SRGAP2: variants seen among roughly 807,000 people sequenced by gnomAD.
The protein encoded by SRGAP2 is SLIT-ROBO Rho GTPase-activating protein 2.
In SRGAP2, 15 loss-of-function variants were observed where a neutral mutation model predicts 57.2. The ratio of observed to expected loss-of-function variants is 0.26; its 90% CI spans 0.18 to 0.40. SRGAP2 has a LOEUF of 0.40. SRGAP2 is among the 10% of genes least tolerant of loss of function. The pLI, the probability that SRGAP2 is intolerant of heterozygous loss-of-function variation, is 1.00. For missense variants in SRGAP2, 520 were observed against 669.6 expected (o/e 0.78, Z 2.47); for synonymous variants, 249 against 248.0 (o/e 1.00, Z -0.04).
rs1048330266 is a variant in SRGAP2, at chr1:206,461,042, T to C, written c.2838T>C (p.Ile946=). The change falls in exon 23 of 23, where the codon ATT becomes ATC. Residue 946 remains isoleucine (I), a synonymous_variant. Transcript: ENST00000573034. ...TCCTTTTTCCTGTTTTGCAGGATATTGAGGCAACAATGAACTCGGCCCTGA... is the reference window on the plus strand; with the variant it reads ...TCCTTTTTCCTGTTTTGCAGGATATCGAGGCAACAATGAACTCGGCCCTGA... The part of the protein sequence containing the change: ...PMDPEVIAQD[I]EATMNSALNE... 2.9e-6 allele frequency: 2 copies of C among 696,242 alleles called. No homozygotes were observed. The highest frequency in any genetic ancestry group is 3.5e-5 in the African/African-American group (2 of 56,478). The allele number at this position is 696,242 out of a possible 1,614,324, so 43.1% of individuals were successfully genotyped here. A position where few individuals can be genotyped will look rare whatever the true frequency, so the allele number is the denominator to read the frequency against.
rs201747222 is a variant in SRGAP2, at chr1:206,461,402, C to T, written c.3198C>T (p.Asp1066=). The change falls in exon 23 of 23, where the codon GAC becomes GAT. Residue 1066 remains aspartate, a synonymous_variant. Transcript: ENST00000573034. The part of the protein sequence containing the change: ...VNSSTSPQST[D]KSCTV ...CATCAACTTCCCCACAGTCTACTGA[C>T]AAGTCTTGTACTGTCTGAGGGATAA... 1.2e-5 allele frequency: 9 copies of T among 778,360 alleles called. No individual in the cohort carries two copies. Among genetic ancestry groups the T allele is most frequent in the Non-Finnish European group, 2.2e-5 (9 of 416,542 alleles). The allele number at this position is 778,360 out of a possible 1,614,324, so 48.2% of individuals were successfully genotyped here.
chr1:206,327,942 T>C (rs1674081567), intron 3 of SRGAP2, among the ~76,000 whole-genome samples: 2 of 104,542 alleles, frequency 1.9e-5, no homozygotes, highest in Non-Finnish European at 3.7e-5. Context: ...TATCTCCCAA[T>C]GCTATCCCTC....
chr1:206,322,652 T>C (rs1277713630), intron 3 of SRGAP2, among the ~76,000 whole-genome samples: 1 of 144,022 alleles, frequency 6.9e-6, no homozygotes, highest in Non-Finnish European at 1.5e-5. Flanking sequence ...ATTTTAATAC[T>C]GGTTTAGAGT....
At chr1:206,319,347 C>G (rs1379622643) in intron 3 of SRGAP2, among the ~76,000 whole-genome samples, 2 of 151,236 alleles carry the variant, frequency 1.3e-5, no homozygotes, top group South Asian at 2.1e-4. Flanking sequence ...GGAGGCGGAG[C>G]TTTCAGTGAG....
chr1:206,432,216 AT>A (rs1240815140), intron 14 of SRGAP2, among the ~76,000 whole-genome samples: 5 of 152,292 alleles, frequency 3.3e-5, no homozygotes, highest in South Asian at 2.1e-4. Context: ...GGTTCCAGAT[AT>A]TGTGGCATGA....
At chr1:206,319,276 T>C (rs2102823867) in intron 3 of SRGAP2, among the ~76,000 whole-genome samples, 1 of 147,456 alleles carries the variant, frequency 6.8e-6, no homozygotes, top group South Asian at 2.1e-4. Context: ...CCGGGTGTGG[T>C]GGCGGGTGCC....
chr1:206,240,265 CA>C (rs72152960), intron 2 of SRGAP2, among the ~76,000 whole-genome samples: 36,248 of 84,208 alleles, frequency 0.43, 4,274 homozygotes, highest in East Asian at 0.64. Context: ...GACAACGTCT[CA>C]AAAAAAAAAA....
intron 13 of SRGAP2, among the ~76,000 whole-genome samples, chr1:206,422,017 A>G (rs1419618509): frequency 6.6e-6 from 1 of 152,356 alleles, no homozygotes; most frequent in East Asian, 1.9e-4. Flanking sequence ...AAATGATTTT[A>G]TGTCCCCTAA....
intron 2 of SRGAP2, among the ~76,000 whole-genome samples, chr1:206,302,416 C>T (rs1571796118): frequency 6.6e-6 from 1 of 151,888 alleles, no homozygotes; most frequent in African/African-American, 2.4e-5. Flanking sequence ...TAGCTCCATA[C>T]AAGGACCCTG....
chr1:206,423,092 G>T (rs1264163920), intron 13 of SRGAP2, among the ~76,000 whole-genome samples: 2 of 152,142 alleles, frequency 1.3e-5, no homozygotes, highest in African/African-American at 4.8e-5. Context: ...TCTTTAATGG[G>T]TTCCGGTCAT....
At chr1:206,449,447 C>CTTTTTTT (rs60880671) in intron 18 of SRGAP2, among the ~76,000 whole-genome samples, 1 of 138,786 alleles carries the variant, frequency 7.2e-6, no homozygotes, top group Non-Finnish European at 1.6e-5. Context: ...TGCACACTGG[C>CTTTTTTT]TTTTTTTTTT....
chr1:206,216,300 A>G (rs554454236), intron 2 of SRGAP2, among the ~76,000 whole-genome samples: 3 of 152,322 alleles, frequency 2.0e-5, no homozygotes, highest in Admixed American at 1.3e-4. Flanking sequence ...TACCTTGGAA[A>G]CCAAGAAAAA....
intron 4 of SRGAP2, among the ~76,000 whole-genome samples, chr1:206,375,834 G>C (rs531724692): frequency 3.3e-5 from 5 of 152,162 alleles, no homozygotes; most frequent in Admixed American, 1.3e-4. Context: ...ATCATGCCAA[G>C]GAATGGATTT....
intron 10 of SRGAP2, among the ~76,000 whole-genome samples, chr1:206,412,165 G>C (rs961589057): frequency 6.6e-6 from 1 of 152,198 alleles, no homozygotes; most frequent in Admixed American, 6.5e-5. Context: ...GAGGGAATGT[G>C]CAGAAAGAAA....
rs1553380397 is a variant in SRGAP2 at position 206,461,085 on chromosome 1, G to T, written c.2881G>T (p.Glu961Ter). 2.7e-6 allele frequency: 2 copies of T among 753,618 alleles called. No homozygotes were observed. The highest frequency in any genetic ancestry group is 5.0e-6 in the Non-Finnish European group (2 of 401,406). 46.7% of individuals were successfully genotyped at this position (753,618 alleles called of 1,614,324 possible). A position where few individuals can be genotyped will look rare whatever the true frequency, so the allele number is the denominator to read the frequency against. ...GGCCCTGAATGAGCTACGGGAACTA[G>T]AACGGCAGAGCAGTGTCAAACACAC... ...NSALNELREL[E>*]RQSSVKHTPD... The change falls in exon 23 of 23, where the codon GAA becomes TAA. Residue 961 changes from glutamate to a stop codon, truncating the protein, a stop_gained. Coordinates refer to ENST00000573034, the MANE Select transcript of SRGAP2 (RefSeq NM_015326.5). LOFTEE classifies it high-confidence loss of function.
At chr1:206,373,116 T>TCCC (rs1654871247) in intron 4 of SRGAP2, among the ~76,000 whole-genome samples, 1 of 134,140 alleles carries the variant, frequency 7.5e-6, no homozygotes, top group African/African-American at 2.9e-5. Context: ...TTTTTTTTTT[T>TCCC]TCTGAGTCTT....
At chr1:206,215,250 A>G (rs1666577043) in intron 2 of SRGAP2, among the ~76,000 whole-genome samples, 1 of 132,154 alleles carries the variant, frequency 7.6e-6, no homozygotes, top group Non-Finnish European at 1.6e-5. Flanking sequence ...TAAATGCTAA[A>G]TAAATAGCTT....
At position 206,359,798 on chromosome 1, in the gene SRGAP2, C is replaced by CTTTTTTTTTTTT. The variant is rs1166916482; in HGVS notation, c.423+16805_423+16816dup. Among the ~76,000 whole-genome samples, 81 of 70,228 alleles carry CTTTTTTTTTTTT rather than the reference C, an allele frequency of 1.2e-3. 8 individuals are homozygous for CTTTTTTTTTTTT. Among genetic ancestry groups the CTTTTTTTTTTTT allele is most frequent in the African/African-American group, 4.0e-3 (67 of 16,910 alleles). The allele number at this position is 70,228 out of a possible 152,430, so 46.1% of individuals were successfully genotyped here. A position where few individuals can be genotyped will look rare whatever the true frequency, so the allele number is the denominator to read the frequency against. On this transcript the variant is annotated intron_variant, in intron 4 of 22. Coordinates refer to ENST00000573034, the MANE Select transcript of SRGAP2 (RefSeq NM_015326.5). ...AGGATGGGGTACAAGGGATATTGCT[C>CTTTTTTTTTTTT]TTTTTTTTTTTTTTTTTTTTTTTTT...
chr1:206,272,999 T>C, intron 2 of SRGAP2, among the ~76,000 whole-genome samples: 1 of 152,094 alleles, frequency 6.6e-6, no homozygotes, highest in East Asian at 1.9e-4. Flanking sequence ...GTTTGGAAAA[T>C]ACAGAAAAGC....
Sources: gnomAD v4.1 joint callset for allele counts (sites outside exome capture counted in the v4.1 genomes callset) on GRCh38, gnomAD v4.1.1 for gene constraint, MANE v1.5 for transcripts, NCBI Gene and HGNC (gene_info 2026-07-23, HGNC 2026-07-21) for gene names.